Variants in FNIP2 observed in about 807,000 individuals in gnomAD.
FNIP2 encodes folliculin-interacting protein 2.
In FNIP2, 32 loss-of-function variants were observed where a neutral mutation model predicts 108.7. The observed-to-expected ratio is 0.29, with a 90% CI of 0.22 to 0.40. The LOEUF (loss-of-function observed/expected upper bound fraction) is 0.40. Ranked by LOEUF, FNIP2 falls within the 10% of genes least tolerant of loss-of-function variation. The pLI, the probability that FNIP2 is intolerant of heterozygous loss-of-function variation, is 1.00. For missense variants in FNIP2, 1,202 were observed against 1,381.6 expected (o/e 0.87, Z 2.06); for synonymous variants, 480 against 496.7 (o/e 0.97, Z 0.45).
At chr4:158,901,048 CA>C (rs1267181656) in intron 16 of FNIP2, among the ~76,000 whole-genome samples, 1 of 151,532 alleles carries the variant, frequency 6.6e-6, no homozygotes, top group Non-Finnish European at 1.5e-5. Flanking sequence ...AATCTCTCAG[CA>C]TTTGCTTGTC....
intron 1 of FNIP2, among the ~76,000 whole-genome samples, chr4:158,802,999 C>T (rs1776811784): frequency 1.3e-5 from 2 of 152,128 alleles, no homozygotes; most frequent in Non-Finnish European, 2.9e-5. Context: ...TTACATATAC[C>T]ACATGGATTC....
intron 14 of FNIP2, among the ~76,000 whole-genome samples, chr4:158,882,389 C>G (rs887721581): frequency 6.6e-6 from 1 of 151,370 alleles, no homozygotes; most frequent in Non-Finnish European, 1.5e-5. Flanking sequence ...TGGGGGGCGC[C>G]TCCGCCCGGC....
intron 16 of FNIP2, among the ~76,000 whole-genome samples, chr4:158,896,896 G>A (rs901982989): frequency 6.6e-6 from 1 of 150,552 alleles, no homozygotes; most frequent in African/African-American, 2.5e-5. Context: ...TGCAAAACGT[G>A]CAGGTCTGTT....
intron 7 of FNIP2, among the ~76,000 whole-genome samples, chr4:158,844,082 C>G (rs920734604): frequency 6.6e-6 from 1 of 152,194 alleles, no homozygotes; most frequent in Non-Finnish European, 1.5e-5. Flanking sequence ...TTGACTTCTG[C>G]ACCTTCTTTC....
chr4:158,875,331 G>GT (rs955427731), intron 14 of FNIP2, among the ~76,000 whole-genome samples: 1 of 151,714 alleles, frequency 6.6e-6, no homozygotes, highest in Non-Finnish European at 1.5e-5. Flanking sequence ...ACGTTTTGAT[G>GT]TTTTTTAAAA....
In FNIP2 at chr4:158,894,418, T is replaced by C. The variant is rs34481856; in HGVS notation, c.3151-1332T>C. On this transcript the variant is annotated intron_variant, in intron 15 of 16. Coordinates refer to ENST00000264433, the MANE Select transcript of FNIP2 (RefSeq NM_020840.3). ...AACTCCTGGGCTCAAGTGATCCTCC[T>C]ACCTCAGCCTCCCAAAGTGCTAGGA... Among the ~76,000 whole-genome samples, 721 of 152,124 alleles carry C rather than the reference T, an allele frequency of 4.7e-3. 3 individuals are homozygous for C. In the Middle Eastern group the frequency reaches 0.051, roughly 11 times the overall value.
chr4:158,785,085 C>CTTTTTT (rs1182497250), intron 1 of FNIP2, among the ~76,000 whole-genome samples: 1 of 96,202 alleles, frequency 1.0e-5, no homozygotes, highest in African/African-American at 5.0e-5. Flanking sequence ...TATAAAGTTC[C>CTTTTTT]TCTTTTTTTT....
chr4:158,834,093 C>T (rs1031585183), intron 6 of FNIP2: 2 of 239,150 alleles, frequency 8.4e-6, no homozygotes, highest in African/African-American at 2.3e-5. Context: ...CGCTAATACT[C>T]TAGTGTAAGC....
At chr4:158,799,436 T>G (rs1196321570) in intron 1 of FNIP2, among the ~76,000 whole-genome samples, 1 of 152,238 alleles carries the variant, frequency 6.6e-6, no homozygotes, top group East Asian at 1.9e-4. Context: ...TTTTCTGTGA[T>G]GAAGTAGGTA....
At chr4:158,845,917 T>C (rs377625217) in intron 7 of FNIP2, among the ~76,000 whole-genome samples, 1 of 152,334 alleles carries the variant, frequency 6.6e-6, no homozygotes, top group African/African-American at 2.4e-5. Flanking sequence ...CCATAAAAAG[T>C]GTCATTCAGC....
At chr4:158,873,864 C>T (rs1036199157) in intron 14 of FNIP2, among the ~76,000 whole-genome samples, 2 of 152,194 alleles carry the variant, frequency 1.3e-5, no homozygotes, top group African/African-American at 4.8e-5. Context: ...ATTCTTTCCT[C>T]TGTTTTCCTT....
intron 7 of FNIP2, among the ~76,000 whole-genome samples, chr4:158,838,354 A>G (rs1353221083): frequency 6.6e-6 from 1 of 150,532 alleles, no homozygotes; most frequent in African/African-American, 2.4e-5. Context: ...ACAAGTAGCT[A>G]GGACTACAGG....
intron 2 of FNIP2, among the ~76,000 whole-genome samples, chr4:158,827,235 T>C (rs1457272810): frequency 2.6e-5 from 4 of 152,208 alleles, no homozygotes; most frequent in Non-Finnish European, 5.9e-5. Flanking sequence ...ACTTGACCCT[T>C]TGGTGGACAG....
chr4:158,772,400 G>T (rs952123063), intron 1 of FNIP2, among the ~76,000 whole-genome samples: 3 of 152,044 alleles, frequency 2.0e-5, no homozygotes, highest in South Asian at 2.1e-4. Flanking sequence ...TGTTGTTGTT[G>T]TTTTTTTCTC....
rs1248515654 is a variant in FNIP2, at chr4:158,902,339, C to T, written c.3267-2127C>T. On this transcript the variant is annotated intron_variant, in intron 16 of 16. Coordinates refer to ENST00000264433, the MANE Select transcript of FNIP2 (RefSeq NM_020840.3). ...GGCTGTAGAACAGCAAAGATTGCTGCCTGTTCCTTCCTCTGGAAGCTTCGT... is the reference window on the plus strand; with the variant it reads ...GGCTGTAGAACAGCAAAGATTGCTGTCTGTTCCTTCCTCTGGAAGCTTCGT... 3.3e-5 allele frequency among the ~76,000 whole-genome samples: 5 copies of T among 152,170 alleles called. No individual in the cohort carries two copies. In the East Asian group the frequency reaches 9.6e-4, roughly 29 times the overall value.
At chr4:158,799,598 C>T (rs1776696796) in intron 1 of FNIP2, among the ~76,000 whole-genome samples, 1 of 152,228 alleles carries the variant, frequency 6.6e-6, no homozygotes, top group Non-Finnish European at 1.5e-5. Context: ...CCCAGTAGCT[C>T]AGCTTCCAAC....
In FNIP2 at chr4:158,907,078, T is replaced by C. The variant is rs953160343; in HGVS notation, c.*2534T>C. 12 of 152,246 alleles carry C rather than the reference T, an allele frequency of 7.9e-5. No individual in the cohort carries two copies. Among genetic ancestry groups the C allele is most frequent in the African/African-American group, 2.9e-4 (12 of 41,458 alleles). 9.4% of individuals were successfully genotyped at this position (152,246 alleles called of 1,614,324 possible). On this transcript the variant is annotated 3_prime_UTR_variant, in exon 17 of 17. Transcript: ENST00000264433. ...CATCTTGCTTTTCCAAGCAAGCTAG[T>C]GAGGCATGACAGAGCAGAAGTCTGT...
At chr4:158,790,782 G>A (rs1776387200) in intron 1 of FNIP2, among the ~76,000 whole-genome samples, 1 of 151,820 alleles carries the variant, frequency 6.6e-6, no homozygotes, top group Non-Finnish European at 1.5e-5. Flanking sequence ...AATAATAAAA[G>A]TGATCAGTAA....
rs1780281106 is a variant in FNIP2 at position 158,861,327 on chromosome 4, C to G, written c.1149-15C>G. The G allele has an allele frequency of 1.2e-6, 2 of 1,601,968 alleles. No homozygotes were observed. The highest frequency in any genetic ancestry group is 1.7e-6 in the Non-Finnish European group (2 of 1,175,964). On this transcript the variant is annotated splice_polypyrimidine_tract_variant and intron_variant, in intron 10 of 16. Coordinates refer to ENST00000264433, the MANE Select transcript of FNIP2 (RefSeq NM_020840.3). The stretch of plus-strand genomic sequence containing the variant: ...TTCTGACACTTTTGTGTTTCCCTCT[C>G]TTTCTGTTCTATAGAGGAACTATCT...
Sources: allele counts gnomAD v4.1 joint callset (sites outside exome capture counted in the v4.1 genomes callset), GRCh38; gene constraint gnomAD v4.1.1; transcripts MANE v1.5; gene names NCBI Gene and HGNC (gene_info 2026-07-23, HGNC 2026-07-21).